Variants in QDPR observed in about 807,000 individuals in gnomAD.
QDPR encodes the protein dihydropteridine reductase.
QDPR carries 23 observed loss-of-function variants against 31.7 expected under a neutral mutation model. The observed-to-expected ratio is 0.73, with a 90% CI of 0.52 to 1.03. QDPR has a LOEUF of 1.03. Ranked by LOEUF, QDPR falls within the 50% of genes least tolerant of loss-of-function variation. QDPR has a pLI of 0.00. For synonymous variants in QDPR, 124 were observed against 124.7 expected, an observed-to-expected ratio of 0.99 and a Z score of 0.03; for missense variants, 324 against 323.8, an observed-to-expected ratio of 1.00 and a Z score of 0.00.
At position 17,501,606 on chromosome 4, in the gene QDPR, T is replaced by C. The variant is rs1341953808; in HGVS notation, c.436+113A>G. 27 of 1,264,748 alleles carry C rather than the reference T, an allele frequency of 2.1e-5. No homozygotes were observed. In the Admixed American group the frequency reaches 5.2e-4, roughly 24 times the overall value. 78.3% of individuals were successfully genotyped at this position (1,264,748 alleles called of 1,614,324 possible). A position where few individuals can be genotyped will look rare whatever the true frequency, so the allele number is the denominator to read the frequency against. ...AAGAAGACAAAATCCATCTATCTGT[T>C]AAGCAGCTTAGAGGGTAAAGGCTTT... On this transcript the variant is annotated intron_variant, in intron 4 of 6. Transcript: ENST00000281243.
chr4:17,499,981 C>T (rs753376140), intron 4 of QDPR, among the ~76,000 whole-genome samples: 14 of 151,652 alleles, frequency 9.2e-5, no homozygotes, highest in Non-Finnish European at 1.5e-4. Context: ...GAGCTCCCCC[C>T]ACCTTTTTTT....
rs143045010 is a variant in QDPR, at chr4:17,497,963, G to A, written c.436+3756C>T. Among the ~76,000 whole-genome samples, 275 of 152,246 alleles carry A rather than the reference G, an allele frequency of 1.8e-3. 2 individuals carry two copies. Among genetic ancestry groups the A allele is most frequent in the African/African-American group, 6.3e-3 (260 of 41,544 alleles). ...CAAGGGATGTCTTTTATTAAGGTAG[G>A]TTTCCCTCTGCCCCGCAGGCATGTG... On this transcript the variant is annotated intron_variant, in intron 4 of 6. Transcript: ENST00000281243.
intron 4 of QDPR, among the ~76,000 whole-genome samples, chr4:17,500,954 T>TA: frequency 6.6e-6 from 1 of 152,210 alleles, no homozygotes; most frequent in African/African-American, 2.4e-5. Flanking sequence ...AGAGTGACTA[T>TA]AAGACCTACC....
chr4:17,503,490 A>G (rs1256935693), intron 3 of QDPR, among the ~76,000 whole-genome samples: 1 of 152,216 alleles, frequency 6.6e-6, no homozygotes, highest in Non-Finnish European at 1.5e-5. Context: ...CTTATTTTCA[A>G]ACAGTTAACA....
intron 1 of QDPR, among the ~76,000 whole-genome samples, chr4:17,510,790 C>A (rs1194992973): frequency 6.6e-6 from 1 of 152,180 alleles, no homozygotes; most frequent in Non-Finnish European, 1.5e-5. Flanking sequence ...AGTGCCTGGC[C>A]CTTGGCAGAA....
In QDPR at chr4:17,486,804, G is replaced by A. The variant is rs938186006; in HGVS notation, c.*327C>T. 1.6e-5 allele frequency: 5 copies of A among 318,846 alleles called. No homozygotes were observed. Among genetic ancestry groups the A allele is most frequent in the Non-Finnish European group, 2.4e-5 (4 of 169,280 alleles). 19.8% of individuals were successfully genotyped at this position (318,846 alleles called of 1,614,324 possible). On this transcript the variant is annotated 3_prime_UTR_variant, in exon 7 of 7. Transcript: ENST00000281243. The stretch of plus-strand genomic sequence containing the variant: ...ACCAACAAATCAACAAAGTAGTCAA[G>A]ATGACAGCCACTGTCAAGGACAGAT...
chr4:17,498,557 C>T (rs1324252863), intron 4 of QDPR, among the ~76,000 whole-genome samples: 1 of 152,120 alleles, frequency 6.6e-6, no homozygotes, highest in Non-Finnish European at 1.5e-5. Context: ...TAAAGAATGA[C>T]CTTTCCTTGG....
intron 1 of QDPR, among the ~76,000 whole-genome samples, chr4:17,510,300 G>A (rs563768010): frequency 6.8e-4 from 103 of 152,226 alleles, no homozygotes; most frequent in Non-Finnish European, 1.1e-3. Flanking sequence ...TCCGATGCCG[G>A]GCAGAGGTTC....
intron 1 of QDPR, chr4:17,509,891 C>G: frequency 2.2e-6 from 1 of 453,930 alleles, no homozygotes; most frequent in South Asian, 1.6e-5. Flanking sequence ...CTAGAGACAT[C>G]AAGGGCCAGC....
At chr4:17,487,358 A>C in intron 6 of QDPR, 122 bp from the exon 7 acceptor site, 1 of 772,110 alleles carries the variant, frequency 1.3e-6, no homozygotes, top group South Asian at 1.5e-5. Flanking sequence ...ACTGTTTAAA[A>C]GCCACTAAGG....
intron 1 of QDPR, 100 bp downstream of exon 1, chr4:17,511,850 A>G: frequency 8.1e-7 from 1 of 1,237,332 alleles, no homozygotes; most frequent in Non-Finnish European, 1.1e-6. Context: ...GGGGGTGCAC[A>G]GGGGCCCCCA....
Position 17,492,259 on chromosome 4 carries a change from G to A in QDPR, c.518C>T (p.Pro173Leu). ...GAGCACAGCGATGGCGGCTGCCCCG[G>A]GCGGCATGCCGCTGTTCTTCCCAGC... ...SLAGKNSGMP[P>L]GAAAIAVLPV... Residue 173 changes from proline to leucine, a missense_variant, in exon 5 of 7, where the codon CCC becomes CTC. By Grantham distance (98) the Pro-to-Leu change is moderately conservative (BLOSUM62 -3). Transcript: ENST00000281243. The A allele has an allele frequency of 1.2e-6, 2 of 1,614,058 alleles. No individual in the cohort carries two copies. Among genetic ancestry groups the A allele is most frequent in the South Asian group, 1.1e-5 (1 of 91,076 alleles).
At chr4:17,497,351 G>T (rs978923390) in intron 4 of QDPR, among the ~76,000 whole-genome samples, 2 of 151,884 alleles carry the variant, frequency 1.3e-5, no homozygotes, top group Non-Finnish European at 2.9e-5. Context: ...GTCAAAGCAA[G>T]TCCTTTTCCA....
At chr4:17,491,357 G>A (rs1718158153) in intron 5 of QDPR, among the ~76,000 whole-genome samples, 1 of 152,154 alleles carries the variant, frequency 6.6e-6, no homozygotes, top group South Asian at 2.1e-4. Context: ...GTCAATCAGT[G>A]CAGTCCCTAC....
intron 4 of QDPR, among the ~76,000 whole-genome samples, chr4:17,496,238 A>G (rs2518618): frequency 0.66 from 100,260 of 151,300 alleles, 33,391 homozygotes; most frequent in African/African-American, 0.72. Flanking sequence ...CTGAGGTCAG[A>G]AGTTCAAGAC....
At chr4:17,504,216 G>A (rs1441223278) in intron 3 of QDPR, among the ~76,000 whole-genome samples, 163 bp downstream of exon 3, 4 of 152,030 alleles carry the variant, frequency 2.6e-5, no homozygotes, top group Admixed American at 6.6e-5. Context: ...TTCTTTATCC[G>A]TAAAATGGAT....
intron 4 of QDPR, among the ~76,000 whole-genome samples, chr4:17,495,336 T>C (rs983383133): frequency 6.6e-6 from 1 of 152,190 alleles, no homozygotes; most frequent in African/African-American, 2.4e-5. Context: ...CCCCATGTCA[T>C]GGAGCCTCTT....
chr4:17,494,833 G>A (rs1718295152), intron 4 of QDPR, among the ~76,000 whole-genome samples: 1 of 152,192 alleles, frequency 6.6e-6, no homozygotes, highest in Non-Finnish European at 1.5e-5. Flanking sequence ...CACAGGTTCT[G>A]TGGGCCTGCT....
At chr4:17,492,400 A>G in intron 4 of QDPR, 60 bp from the exon 5 acceptor site, 1 of 1,301,378 alleles carries the variant, frequency 7.7e-7, no homozygotes, top group South Asian at 1.2e-5. Flanking sequence ...CAGCAAGGAC[A>G]TGCAATCTTC....
Sources: allele counts gnomAD v4.1 joint callset (sites outside exome capture counted in the v4.1 genomes callset), GRCh38; gene constraint gnomAD v4.1.1; transcripts MANE v1.5; gene names NCBI Gene and HGNC (gene_info 2026-07-23, HGNC 2026-07-21).